Variants in OSBPL9 observed in about 807,000 individuals in gnomAD.
The protein encoded by OSBPL9 is oxysterol binding protein like 9, also known as oxysterol-binding protein-related protein 9.
A neutral mutation model predicts 106.6 loss-of-function variants in OSBPL9; 40 were observed. The ratio of observed to expected loss-of-function variants is 0.38; its 90% CI spans 0.29 to 0.49. The LOEUF is 0.49. Among genes scored for constraint, OSBPL9 ranks in the 20% least tolerant of loss-of-function variants. The pLI is 0.97. For synonymous variants in OSBPL9, 269 were observed against 295.4 expected (o/e 0.91, Z 0.92); for missense variants, 609 against 887.2 (o/e 0.69, Z 3.98).
the OSBPL9 span, among the ~76,000 whole-genome samples, chr1:51,553,078 G>A: frequency 6.6e-6 from 1 of 151,954 alleles, no homozygotes; most frequent in South Asian, 2.1e-4. Flanking sequence ...CTTTTGAATG[G>A]ACCTTCCTTC....
At chr1:51,731,769 C>A (rs1664497212) in intron 4 of OSBPL9, among the ~76,000 whole-genome samples, 1 of 139,614 alleles carries the variant, frequency 7.2e-6, no homozygotes, top group South Asian at 2.2e-4. Context: ...GAGCAAGAGT[C>A]TGTCTCAAAA....
intron 3 of OSBPL9, among the ~76,000 whole-genome samples, chr1:51,703,603 T>C (rs1395358860): frequency 6.6e-6 from 1 of 152,196 alleles, no homozygotes; most frequent in Non-Finnish European, 1.5e-5. Flanking sequence ...CAATTTGACT[T>C]CTTCTCTTCC....
chr1:51,522,014 C>T, the OSBPL9 span, among the ~76,000 whole-genome samples: 5 of 152,156 alleles, frequency 3.3e-5, no homozygotes, highest in Non-Finnish European at 7.3e-5. Context: ...GCCTCGGCTT[C>T]CCAAAGTGCT....
the OSBPL9 span, among the ~76,000 whole-genome samples, chr1:51,541,109 C>T: frequency 2.0e-5 from 3 of 152,030 alleles, no homozygotes; most frequent in Admixed American, 6.6e-5. Context: ...CCAGCCTAGG[C>T]AACAGAGTGA....
chr1:51,604,525 C>T (rs1255035396), intron 2 of OSBPL9, among the ~76,000 whole-genome samples: 1 of 151,762 alleles, frequency 6.6e-6, no homozygotes, highest in Non-Finnish European at 1.5e-5. Context: ...CATTATACTC[C>T]CGCCTGGGTG....
intron 3 of OSBPL9, among the ~76,000 whole-genome samples, chr1:51,680,564 G>C (rs1459673808): frequency 6.6e-6 from 1 of 151,946 alleles, no homozygotes; most frequent in Non-Finnish European, 1.5e-5. Context: ...GGGAGGTTGA[G>C]GTGGGAGAAT....
intron 1 of OSBPL9, among the ~76,000 whole-genome samples, chr1:51,648,081 T>C (rs962667934): frequency 2.0e-5 from 3 of 152,214 alleles, no homozygotes; most frequent in Admixed American, 6.5e-5. Flanking sequence ...GTTACTGGGC[T>C]GTAGACCACA....
At chr1:51,618,475 A>C (rs891799881) in intron 1 of OSBPL9, among the ~76,000 whole-genome samples, 5 of 152,228 alleles carry the variant, frequency 3.3e-5, no homozygotes, top group Admixed American at 3.3e-4. Flanking sequence ...TAAGAGGACA[A>C]AATAGAATGC....
chr1:51,637,291 G>A (rs1372558497), intron 1 of OSBPL9, among the ~76,000 whole-genome samples: 2 of 152,098 alleles, frequency 1.3e-5, no homozygotes, highest in African/African-American at 4.8e-5. Context: ...AGGAGTTCAA[G>A]AACAGCCTGA....
At chr1:51,756,659 C>T (rs1670402300) in intron 9 of OSBPL9, 2 of 262,240 alleles carry the variant, frequency 7.6e-6, no homozygotes, top group African/African-American at 4.4e-5. Flanking sequence ...TAACTCAGTG[C>T]CACATTTCTT....
chr1:51,521,382 G>A, the OSBPL9 span, among the ~76,000 whole-genome samples: 1 of 152,184 alleles, frequency 6.6e-6, no homozygotes, highest in African/African-American at 2.4e-5. Flanking sequence ...TGAGATGTAA[G>A]ATATTCCTCT....
At chr1:51,596,883 C>T (rs576558178) in intron 1 of OSBPL9, among the ~76,000 whole-genome samples, 1 of 152,306 alleles carries the variant, frequency 6.6e-6, no homozygotes, top group East Asian at 1.9e-4. Flanking sequence ...TGGCAAGTCT[C>T]CTGCTCCCAT....
At chr1:51,757,801 C>A (rs765466453) in intron 9 of OSBPL9, among the ~76,000 whole-genome samples, 2 of 152,050 alleles carry the variant, frequency 1.3e-5, no homozygotes, top group South Asian at 2.1e-4. Flanking sequence ...ATTACTTAAC[C>A]TTTCTGAGTC....
the OSBPL9 span, chr1:51,561,808 G>C: frequency 6.6e-6 from 1 of 152,186 alleles, no homozygotes; most frequent in Non-Finnish European, 1.5e-5. Context: ...TTCAAGTCTT[G>C]TGATTTCCAG....
intron 1 of OSBPL9, among the ~76,000 whole-genome samples, chr1:51,637,523 A>C (rs1645525719): frequency 6.6e-6 from 1 of 152,234 alleles, no homozygotes; most frequent in Admixed American, 6.5e-5. Flanking sequence ...TAAAAGAACC[A>C]ATATCATAAG....
the OSBPL9 span, among the ~76,000 whole-genome samples, chr1:51,551,790 A>G: frequency 5.1e-3 from 775 of 151,596 alleles, 3 homozygotes; most frequent in Non-Finnish European, 8.0e-3. Context: ...ATGGGGGTTC[A>G]CTATGTTGCT....
chr1:51,544,365 A>T, the OSBPL9 span, among the ~76,000 whole-genome samples: 758 of 152,212 alleles, frequency 5.0e-3, 10 homozygotes, highest in African/African-American at 0.018. Flanking sequence ...AAAAAGAAAG[A>T]TGTGGACATA....
chr1:51,698,485 T>C (rs1656567158), intron 3 of OSBPL9, among the ~76,000 whole-genome samples: 2 of 152,208 alleles, frequency 1.3e-5, no homozygotes, highest in Non-Finnish European at 1.5e-5. Context: ...TACACATATG[T>C]ACACATATGT....
intron 12 of OSBPL9, among the ~76,000 whole-genome samples, chr1:51,771,537 T>A (rs1673903181): frequency 6.6e-6 from 1 of 152,164 alleles, no homozygotes; most frequent in South Asian, 2.1e-4. Context: ...TGATCACAGG[T>A]ATGATAATCT....
Sources: allele counts gnomAD v4.1 joint callset (sites outside exome capture counted in the v4.1 genomes callset), GRCh38; gene constraint gnomAD v4.1.1; transcripts MANE v1.5; gene names NCBI Gene and HGNC (gene_info 2026-07-23, HGNC 2026-07-21).